The following PCSK5 variants were observed in gnomAD, a reference collection of about 807,000 sequenced individuals.
PCSK5 encodes the protein prohormone convertase 5.
A neutral mutation model predicts 233.2 loss-of-function variants in PCSK5; 129 were observed. The ratio of observed to expected loss-of-function variants is 0.55; its 90% confidence interval spans 0.48 to 0.64. The LOEUF (loss-of-function observed/expected upper bound fraction) is 0.64, where lower values mean the gene tolerates loss of function less well. Ranked by LOEUF, PCSK5 falls within the 30% of genes least tolerant of loss-of-function variation. The pLI is 0.00. For missense variants in PCSK5, 2,076 were observed against 2,430.1 expected (o/e 0.85, Z 3.06); for synonymous variants, 825 against 879.2 (o/e 0.94, Z 1.09).
chr9:76,083,204 CAAAA>C (rs11324176), intron 7 of PCSK5, among the ~76,000 whole-genome samples: 2 of 75,458 alleles, frequency 2.7e-5, no homozygotes, highest in African/African-American at 1.0e-4. Context: ...AGCGAGATCT[CAAAA>C]AAAAAAAAAA....
At chr9:75,935,855 G>T (rs1824031882) in intron 2 of PCSK5, among the ~76,000 whole-genome samples, 1 of 152,168 alleles carries the variant, frequency 6.6e-6, no homozygotes, top group African/African-American at 2.4e-5. Context: ...AGAGGCACAT[G>T]ATACTGCTTT....
chr9:75,946,034 A>G (rs1824549449), intron 2 of PCSK5, among the ~76,000 whole-genome samples: 1 of 152,240 alleles, frequency 6.6e-6, no homozygotes, highest in African/African-American at 2.4e-5. Flanking sequence ...AATGGAGGCC[A>G]TGCATCTCAT....
At position 76,189,114 on chromosome 9, in the gene PCSK5, A is replaced by G; in HGVS notation, c.2401A>G (p.Ile801Val). 6.2e-7 allele frequency: 1 copy of G among 1,613,582 alleles called. No individual in the cohort carries two copies. Among genetic ancestry groups the G allele is most frequent in the Non-Finnish European group, 8.5e-7 (1 of 1,179,812 alleles). The change falls in exon 19 of 38, where the codon ATT becomes GTT. Residue 801 changes from isoleucine to valine, a missense_variant. Ile to Val is a conservative substitution (Grantham distance 29). Transcript: ENST00000674117. ...TTAAGGGGCAGGAGCTGATGGGTGCATTAACTGCACAGAGGGCTACTTCAT... is the reference window on the plus strand; with the variant it reads ...TTAAGGGGCAGGAGCTGATGGGTGCGTTAACTGCACAGAGGGCTACTTCAT... ...TCAGAGADGC[I>V]NCTEGYFMED...
intron 3 of PCSK5, among the ~76,000 whole-genome samples, chr9:76,015,439 G>A (rs1429215560): frequency 5.3e-5 from 8 of 152,040 alleles, no homozygotes; most frequent in Non-Finnish European, 1.0e-4. Context: ...CCATCACACC[G>A]TCTCAAGAAA....
At chr9:75,889,879 T>A (rs950229426), upstream of PCSK5, among the ~76,000 whole-genome samples, 1 of 152,190 alleles carries the variant, frequency 6.6e-6, no homozygotes, top group Non-Finnish European at 1.5e-5. Context: ...CTTTTTCATA[T>A]TAAAGTCTTT....
intron 14 of PCSK5, among the ~76,000 whole-genome samples, chr9:76,178,726 T>A (rs536100808): frequency 2.0e-5 from 3 of 152,238 alleles, no homozygotes; most frequent in Non-Finnish European, 4.4e-5. Context: ...TAAAATCATA[T>A]GAATTTTCAG....
chr9:76,353,969 G>A, intron 36 of PCSK5, 64 bp from the exon 37 acceptor site: 1 of 1,152,124 alleles, frequency 8.7e-7, no homozygotes, highest in Non-Finnish European at 1.2e-6. Context: ...GATACAATCT[G>A]GGAACTCCAG....
chr9:76,014,872 A>G (rs1451348552), intron 3 of PCSK5, among the ~76,000 whole-genome samples: 1 of 152,192 alleles, frequency 6.6e-6, no homozygotes, highest in Non-Finnish European at 1.5e-5. Flanking sequence ...GAAGATTTCT[A>G]GATCTTATTT....
At chr9:76,205,323 C>T (rs775912339) in intron 20 of PCSK5, 39 of 503,372 alleles carry the variant, frequency 7.7e-5, no homozygotes, top group Non-Finnish European at 1.3e-4. Context: ...CAGAACACAG[C>T]GTGAGGAGGT....
intron 9 of PCSK5, among the ~76,000 whole-genome samples, chr9:76,131,458 G>A (rs1392416742): frequency 2.0e-5 from 3 of 152,084 alleles, no homozygotes; most frequent in Non-Finnish European, 4.4e-5. Flanking sequence ...AAATATCAGA[G>A]TAAAACCATC....
chr9:76,263,754 T>G (rs113840647), intron 24 of PCSK5, among the ~76,000 whole-genome samples: 1 of 151,314 alleles, frequency 6.6e-6, no homozygotes, highest in African/African-American at 2.4e-5. Context: ...ATTGTGCACA[T>G]GTACCCTAAA....
At chr9:75,925,544 T>A (rs543693060) in intron 1 of PCSK5, among the ~76,000 whole-genome samples, 17 of 152,270 alleles carry the variant, frequency 1.1e-4, no homozygotes, top group African/African-American at 3.6e-4. Flanking sequence ...GTAAGTGTTA[T>A]GGAGAAAAAT....
chr9:76,338,457 T>C lies in PCSK5; in HGVS notation c.4966+10T>C, dbSNP rs760620299. The C allele has an allele frequency of 6.3e-7, 1 of 1,581,440 alleles. No individual in the cohort carries two copies. The highest frequency in any genetic ancestry group is 8.7e-7 in the Non-Finnish European group (1 of 1,151,590). On this transcript the variant is annotated intron_variant, in intron 35 of 37. Coordinates refer to ENST00000674117, the MANE Select transcript of PCSK5 (RefSeq NM_001372043.1). The stretch of plus-strand genomic sequence containing the variant: ...TGTGATCAATGCAAAGGTGAGAGTC[T>C]ACCTGTCATTTTGCATGAGTGCGTA...
chr9:75,965,849 AAG>A, intron 2 of PCSK5, among the ~76,000 whole-genome samples: 1 of 152,300 alleles, frequency 6.6e-6, no homozygotes, highest in African/African-American at 2.4e-5. Flanking sequence ...ATTCCAAAAT[AAG>A]AGGGGATTCT....
Position 76,095,886 on chromosome 9 carries a change from A to G in PCSK5, c.895-4A>G. ...ATCATTTAGCTTTCTCTGTTTGTGA[A>G]CAGGGGCGGAGAGGCCTCGGCTCTG... is the stretch of plus-strand genomic sequence containing the variant. On this transcript the variant is annotated splice_region_variant and splice_polypyrimidine_tract_variant and intron_variant, in intron 7 of 37. Coordinates refer to ENST00000674117, the MANE Select transcript of PCSK5 (RefSeq NM_001372043.1). The G allele has an allele frequency of 6.2e-7, 1 of 1,613,806 alleles. No individual in the cohort carries two copies. Among genetic ancestry groups the G allele is most frequent in the Non-Finnish European group, 8.5e-7 (1 of 1,179,782 alleles).
intron 20 of PCSK5, among the ~76,000 whole-genome samples, chr9:76,216,198 G>A (rs1271383491): frequency 4.6e-5 from 7 of 152,134 alleles, no homozygotes; most frequent in Non-Finnish European, 8.8e-5. Flanking sequence ...ATGGTGGAGG[G>A]AGACAGAGGC....
chr9:76,312,612 G>A (rs930905791), intron 30 of PCSK5, among the ~76,000 whole-genome samples: 3 of 151,688 alleles, frequency 2.0e-5, no homozygotes, highest in Admixed American at 6.6e-5. Context: ...TATAAGTTAT[G>A]AGTATAAATA....
intron 12 of PCSK5, among the ~76,000 whole-genome samples, chr9:76,163,000 C>T (rs899592500): frequency 2.6e-5 from 4 of 152,162 alleles, no homozygotes; most frequent in African/African-American, 9.7e-5. Context: ...CACTTGGCAT[C>T]ACCTCTCCTT....
At chr9:76,139,398 T>G (rs1564055796) in intron 10 of PCSK5, among the ~76,000 whole-genome samples, 2 of 152,132 alleles carry the variant, frequency 1.3e-5, no homozygotes, top group Admixed American at 1.3e-4. Flanking sequence ...TTGGTAGCTA[T>G]GATTAAAGCT....
Sources: gnomAD v4.1 joint callset for allele counts (sites outside exome capture counted in the v4.1 genomes callset) on GRCh38, gnomAD v4.1.1 for gene constraint, MANE v1.5 for transcripts, NCBI Gene and HGNC (gene_info 2026-07-23, HGNC 2026-07-21) for gene names.